Variants in PIGU observed in about 807,000 individuals in gnomAD.
PIGU encodes the protein GPI-anchor transamidase component PIGU.
PIGU carries 24 observed loss-of-function variants against 49.9 expected under a neutral mutation model. The observed-to-expected ratio is 0.48, with a 90% CI of 0.35 to 0.68. PIGU has a LOEUF of 0.68. Ranked by LOEUF, PIGU falls within the 30% of genes least tolerant of loss-of-function variation. The pLI, the probability that PIGU is intolerant of heterozygous loss-of-function variation, is 0.01. For synonymous variants in PIGU, 220 were observed against 205.7 expected (o/e 1.07, Z -0.59); for missense variants, 490 against 532.6 (o/e 0.92, Z 0.79).
At chr20:34,607,159 TA>T (rs1984646497) in intron 7 of PIGU, among the ~76,000 whole-genome samples, 1 of 152,244 alleles carries the variant, frequency 6.6e-6, no homozygotes. Context: ...CATTGTTCTC[TA>T]AAAACCATTC....
At chr20:34,633,847 G>C (rs924705482) in intron 6 of PIGU, among the ~76,000 whole-genome samples, 1 of 152,142 alleles carries the variant, frequency 6.6e-6, no homozygotes, top group Admixed American at 6.6e-5. Flanking sequence ...GATTATAGGA[G>C]TGAGCCACTG....
At chr20:34,630,579 A>G (rs1568648528) in intron 6 of PIGU, among the ~76,000 whole-genome samples, 1 of 152,198 alleles carries the variant, frequency 6.6e-6, no homozygotes, top group Non-Finnish European at 1.5e-5. Context: ...TACAGTGAAA[A>G]TGATCCACCA....
Position 34,585,578 on chromosome 20 carries a change from A to C in PIGU, c.785T>G (p.Leu262Arg). ...DFIPAVYGFI[L>R]SVPDLTPNIG... is the part of the protein sequence containing the mutation. Reference sequence around the variant, plus strand: ...GTTTGGAGTGAGATCTGGAACAGAAAGTCTGGAATTAAGAAAACAAAGGGA... The same window carrying C: ...GTTTGGAGTGAGATCTGGAACAGAACGTCTGGAATTAAGAAAACAAAGGGA... The change falls in exon 9 of 12, where the codon CTT (leucine) becomes CGT (arginine). Residue 262 changes from leucine (L) to arginine (R), a missense_variant and splice_region_variant. By Grantham distance (102) the Leu-to-Arg change is moderately radical. Transcript: ENST00000217446. The C allele has an allele frequency of 6.2e-7, 1 of 1,612,544 alleles. No homozygotes were observed. The highest frequency in any genetic ancestry group is 1.1e-5 in the South Asian group (1 of 90,968).
intron 11 of PIGU, among the ~76,000 whole-genome samples, chr20:34,571,242 A>G (rs1374503281): frequency 6.6e-6 from 1 of 152,196 alleles, no homozygotes; most frequent in East Asian, 1.9e-4. Context: ...TCTGAGGAAC[A>G]ACCATAATTA....
chr20:34,581,019 C>T (rs1983439590), intron 10 of PIGU, among the ~76,000 whole-genome samples: 1 of 152,152 alleles, frequency 6.6e-6, no homozygotes, highest in African/African-American at 2.4e-5. Context: ...AGCCTAGCTA[C>T]ATGTGGCTTC....
At chr20:34,584,286 T>C (rs1983606000) in intron 9 of PIGU, among the ~76,000 whole-genome samples, 1 of 152,150 alleles carries the variant, frequency 6.6e-6, no homozygotes, top group African/African-American at 2.4e-5. Flanking sequence ...GCACCTGGAA[T>C]GGAGCAGGCC....
chr20:34,618,623 A>C (rs1434294079), intron 6 of PIGU, among the ~76,000 whole-genome samples: 3 of 152,106 alleles, frequency 2.0e-5, no homozygotes, highest in African/African-American at 7.2e-5. Flanking sequence ...CTCTACAAAA[A>C]TAAAAATAAA....
chr20:34,594,721 C>T (rs1394660518), intron 7 of PIGU, among the ~76,000 whole-genome samples: 1 of 151,812 alleles, frequency 6.6e-6, no homozygotes, highest in Non-Finnish European at 1.5e-5. Context: ...TTGCAGTGAG[C>T]CAAGATCGTG....
chr20:34,670,227 T>C (rs2146798430), intron 1 of PIGU, among the ~76,000 whole-genome samples: 1 of 151,248 alleles, frequency 6.6e-6, no homozygotes, highest in East Asian at 2.0e-4. Context: ...TCTTGCTCTA[T>C]TGCCCAGGCT....
intron 7 of PIGU, among the ~76,000 whole-genome samples, chr20:34,589,273 C>T (rs544660991): frequency 3.3e-5 from 5 of 152,182 alleles, no homozygotes; most frequent in African/African-American, 1.2e-4. Context: ...ACCTGGCATT[C>T]ATATGCAAAA....
At chr20:34,653,758 T>C (rs1986616573) in intron 2 of PIGU, among the ~76,000 whole-genome samples, 1 of 152,092 alleles carries the variant, frequency 6.6e-6, no homozygotes. Context: ...CAATATATCA[T>C]AATGAGTAAA....
intron 10 of PIGU, among the ~76,000 whole-genome samples, chr20:34,580,813 A>G (rs1266208805): frequency 6.6e-6 from 1 of 152,212 alleles, no homozygotes; most frequent in African/African-American, 2.4e-5. Context: ...TAGAGGGCTA[A>G]GAGCACTGGG....
rs894072654 is a variant in PIGU at position 34,637,884 on chromosome 20, C to T, written c.420G>A (p.Val140=). The change falls in exon 5 of 12, where the codon GTG becomes GTA. Residue 140 remains valine (V), a synonymous_variant. Transcript: ENST00000217446. ...PMEMRYIPLK[V]ALFYLLNPYT... ...TGTCAGGGAATACTTACAACAGGGC[C>T]ACTTTCAAAGGGATGTAACGCATTT... 1 of 1,610,070 alleles carries T rather than the reference C, an allele frequency of 6.2e-7. No homozygotes were observed. Among genetic ancestry groups the T allele is most frequent in the East Asian group, 2.2e-5 (1 of 44,638 alleles).
intron 1 of PIGU, among the ~76,000 whole-genome samples, chr20:34,662,307 A>C (rs999798923): frequency 2.6e-5 from 4 of 151,800 alleles, no homozygotes; most frequent in Non-Finnish European, 5.9e-5. Context: ...TCCTGGGCTC[A>C]AGCAATCTTC....
intron 7 of PIGU, among the ~76,000 whole-genome samples, chr20:34,598,691 T>C (rs1984295396): frequency 1.3e-5 from 2 of 152,176 alleles, no homozygotes; most frequent in Admixed American, 6.5e-5. Flanking sequence ...GAACTGACAA[T>C]ATCCCAGAGG....
At chr20:34,590,071 T>C (rs115253936) in intron 7 of PIGU, among the ~76,000 whole-genome samples, 2,075 of 151,876 alleles carry the variant, frequency 0.014, 52 homozygotes, top group African/African-American at 0.048. Context: ...TTCTAAATTT[T>C]TCCTCTCTTA....
At chr20:34,672,209 G>A (rs1987329610) in intron 1 of PIGU, among the ~76,000 whole-genome samples, 1 of 152,074 alleles carries the variant, frequency 6.6e-6, no homozygotes, top group Admixed American at 6.6e-5. Flanking sequence ...CCAAAGTGCT[G>A]GGATTACAGG....
At chr20:34,662,879 A>T (rs543207451) in intron 1 of PIGU, among the ~76,000 whole-genome samples, 1 of 152,228 alleles carries the variant, frequency 6.6e-6, no homozygotes, top group African/African-American at 2.4e-5. Context: ...ATGAGGATGT[A>T]TTATTTTACA....
At chr20:34,619,485 C>A (rs1220798492) in intron 6 of PIGU, among the ~76,000 whole-genome samples, 2 of 152,168 alleles carry the variant, frequency 1.3e-5, no homozygotes, top group African/African-American at 2.4e-5. Context: ...TTTAACTTAA[C>A]CTGGTTCTCT....
Sources: gnomAD v4.1 joint callset for allele counts (sites outside exome capture counted in the v4.1 genomes callset) on GRCh38, gnomAD v4.1.1 for gene constraint, MANE v1.5 for transcripts, NCBI Gene and HGNC (gene_info 2026-07-23, HGNC 2026-07-21) for gene names.